Variants in APH1B observed in about 807,000 individuals in gnomAD.
APH1B encodes the protein aph-1B gamma-secretase subunit, also known as gamma-secretase subunit APH-1B.
APH1B carries 27 observed loss-of-function variants against 28.2 expected under a neutral mutation model. The ratio of observed to expected loss-of-function variants is 0.96; its 90% CI spans 0.70 to 1.32. The LOEUF (loss-of-function observed/expected upper bound fraction) is 1.32. Among genes scored for constraint, APH1B ranks in the 40% most tolerant of loss-of-function variants. The pLI is 0.00. For missense variants in APH1B, 305 were observed against 313.6 expected (o/e 0.97, Z 0.21); for synonymous variants, 141 against 124.6 (o/e 1.13, Z -0.88).
chr15:63,295,795 G>A (rs913591936), intron 4 of APH1B, among the ~76,000 whole-genome samples: 16 of 152,202 alleles, frequency 1.1e-4, no homozygotes, highest in African/African-American at 3.4e-4. Flanking sequence ...ATTTGGGTTC[G>A]GTTTGAGAAG....
chr15:63,277,636 G>C lies in APH1B; in HGVS notation c.13G>C (p.Val5Leu). The C allele has an allele frequency of 6.4e-7, 1 of 1,572,296 alleles. No individual in the cohort carries two copies. The highest frequency in any genetic ancestry group is 8.6e-7 in the Non-Finnish European group (1 of 1,156,974). The change falls in exon 1 of 6, where the codon GTG becomes CTG. Residue 5 changes from valine (V) to leucine (L), a missense_variant. By Grantham distance (32) the Val-to-Leu change is conservative. Coordinates refer to ENST00000261879, the MANE Select transcript of APH1B (RefSeq NM_031301.4). MTAA[V>L]FFGCAFIAFG... is the part of the protein sequence containing the mutation. ...TTCCGCGGTGGCCATGACTGCGGCC[G>C]TGTTCTTCGGCTGCGCCTTCATTGC...
At chr15:63,297,656 A>G (rs1405868391) in intron 4 of APH1B, among the ~76,000 whole-genome samples, 2 of 152,234 alleles carry the variant, frequency 1.3e-5, no homozygotes, top group Non-Finnish European at 2.9e-5. Flanking sequence ...GTTGTACTCT[A>G]GAGATACTAT....
At chr15:63,286,041 T>TCGCTGCC (rs1265811828) in intron 2 of APH1B, among the ~76,000 whole-genome samples, 1 of 152,164 alleles carries the variant, frequency 6.6e-6, no homozygotes, top group African/African-American at 2.4e-5. Context: ...CTTTAACAAA[T>TCGCTGCC]CGCTGCCTGA....
rs115161539 is a variant in APH1B, at chr15:63,291,456, A to G, written c.478+3910A>G. On this transcript the variant is annotated intron_variant, in intron 4 of 5. Coordinates refer to ENST00000261879, the MANE Select transcript of APH1B (RefSeq NM_031301.4). ...CTTTTTAGCCACTAAACGTTTCACA[A>G]GGGAAAACCAATATGGGTCAGACCA... 5.9e-3 allele frequency among the ~76,000 whole-genome samples: 899 copies of G among 152,340 alleles called. 6 individuals carry two copies. Among genetic ancestry groups the G allele is most frequent in the African/African-American group, 0.021 (862 of 41,578 alleles).
At chr15:63,296,372 C>CTG (rs2152599175) in intron 4 of APH1B, among the ~76,000 whole-genome samples, 1 of 152,358 alleles carries the variant, frequency 6.6e-6, no homozygotes, top group African/African-American at 2.4e-5. Context: ...CCTCCTTTGT[C>CTG]TGTGGCTGCC....
At chr15:63,281,738 A>G (rs1331150143) in intron 2 of APH1B, among the ~76,000 whole-genome samples, 2 of 151,760 alleles carry the variant, frequency 1.3e-5, no homozygotes, top group East Asian at 1.9e-4. Context: ...GTAGCTGAAC[A>G]TAGATCCACA....
chr15:63,289,976 C>G (rs992446965), intron 4 of APH1B, among the ~76,000 whole-genome samples: 2 of 151,546 alleles, frequency 1.3e-5, no homozygotes, highest in East Asian at 3.9e-4. Flanking sequence ...GCAATCCAGC[C>G]TGAGTAACAG....
At chr15:63,284,134 G>A (rs1163795182) in intron 2 of APH1B, among the ~76,000 whole-genome samples, 1 of 150,802 alleles carries the variant, frequency 6.6e-6, no homozygotes, top group Non-Finnish European at 1.5e-5. Context: ...TTTTAACTTT[G>A]TTGTTGTTTT....
chr15:63,282,240 C>G (rs866906570), intron 2 of APH1B, among the ~76,000 whole-genome samples: 1 of 152,168 alleles, frequency 6.6e-6, no homozygotes, highest in African/African-American at 2.4e-5. Flanking sequence ...TCTCCACTGC[C>G]AAAGTAGGTC....
At chr15:63,295,030 C>G (rs2038549038) in intron 4 of APH1B, among the ~76,000 whole-genome samples, 3 of 152,204 alleles carry the variant, frequency 2.0e-5, no homozygotes, top group Non-Finnish European at 4.4e-5. Context: ...TTCCCTTTTT[C>G]TCCCATAACT....
chr15:63,280,353 T>G (rs1412616362), intron 2 of APH1B, among the ~76,000 whole-genome samples: 1 of 152,214 alleles, frequency 6.6e-6, no homozygotes, highest in Non-Finnish European at 1.5e-5. Flanking sequence ...GTCATGAAAT[T>G]GGCTTTGATT....
chr15:63,282,641 T>C (rs1242445632), intron 2 of APH1B, among the ~76,000 whole-genome samples: 1 of 152,178 alleles, frequency 6.6e-6, no homozygotes, highest in East Asian at 1.9e-4. Flanking sequence ...TTGAAACTCC[T>C]GTATGTTGCC....
intron 3 of APH1B, 124 bp downstream of exon 3, chr15:63,286,752 A>T: frequency 2.3e-6 from 2 of 869,054 alleles, no homozygotes; most frequent in Non-Finnish European, 3.4e-6. Context: ...CTATTGGTGT[A>T]CATATTTGCT....
chr15:63,279,431 T>A (rs2038362012), intron 2 of APH1B, 100 bp downstream of exon 2: 1 of 1,069,492 alleles, frequency 9.4e-7, no homozygotes, highest in African/African-American at 1.6e-5. Flanking sequence ...TATGCCCTCC[T>A]ACATAGTACT....
At position 63,305,680 on chromosome 15, in the gene APH1B, A is replaced by G; in HGVS notation, c.673A>G (p.Thr225Ala). Residue 225 changes from threonine to alanine, a missense_variant, in exon 6 of 6, where the codon ACC becomes GCC. By Grantham distance (58) the Thr-to-Ala change is moderately conservative (BLOSUM62 0). Coordinates refer to ENST00000261879, the MANE Select transcript of APH1B (RefSeq NM_031301.4). ...SAFIILVLMG[T>A]WAFLAAGGSC... ...ATTTATAATCCTGGTGCTCATGGGC[A>G]CCTGGGCATTCTTAGCTGCGGGAGG... 1.2e-6 allele frequency: 2 copies of G among 1,614,206 alleles called. No homozygotes were observed. The highest frequency in any genetic ancestry group is 1.7e-6 in the Non-Finnish European group (2 of 1,180,036).
chr15:63,290,312 T>A (rs1258279476), intron 4 of APH1B, among the ~76,000 whole-genome samples: 2 of 152,222 alleles, frequency 1.3e-5, no homozygotes, highest in African/African-American at 2.4e-5. Flanking sequence ...CATTAAATTT[T>A]ACTAGAATCA....
intron 2 of APH1B, among the ~76,000 whole-genome samples, chr15:63,285,207 CTTAAT>C (rs1047195100): frequency 1.3e-5 from 2 of 152,090 alleles, no homozygotes; most frequent in Non-Finnish European, 2.9e-5. Flanking sequence ...TCTACATTGC[CTTAAT>C]TTAATGTAAT....
chr15:63,284,870 C>T (rs561560164), intron 2 of APH1B, among the ~76,000 whole-genome samples: 3 of 152,084 alleles, frequency 2.0e-5, no homozygotes, highest in Non-Finnish European at 4.4e-5. Flanking sequence ...TATTTATTAT[C>T]GAGGAATTTA....
chr15:63,307,825 T>C lies in APH1B; in HGVS notation c.*2044T>C, dbSNP rs914680810. On this transcript the variant is annotated 3_prime_UTR_variant, in exon 6 of 6. Coordinates refer to ENST00000261879, the MANE Select transcript of APH1B (RefSeq NM_031301.4). The stretch of plus-strand genomic sequence containing the variant: ...TCATATTAACTAAAAAAGCTGGGTA[T>C]TGTAAAATCTCATTTATAAAAACTC... 4.6e-5 allele frequency: 7 copies of C among 152,238 alleles called. No individual in the cohort carries two copies. The highest frequency in any genetic ancestry group is 1.7e-4 in the African/African-American group (7 of 41,454). The allele number at this position is 152,238 out of a possible 1,614,324, so 9.4% of individuals were successfully genotyped here.
Sources: gnomAD v4.1 joint callset for allele counts (sites outside exome capture counted in the v4.1 genomes callset) on GRCh38, gnomAD v4.1.1 for gene constraint, MANE v1.5 for transcripts, NCBI Gene and HGNC (gene_info 2026-07-23, HGNC 2026-07-21) for gene names.